Variants in ARMC9 observed in about 807,000 individuals in gnomAD.
ARMC9 encodes the protein armadillo repeat containing 9, also known as lisH domain-containing protein ARMC9.
A neutral mutation model predicts 107.0 loss-of-function variants in ARMC9; 94 were observed. The observed-to-expected ratio is 0.88, with a 90% CI of 0.74 to 1.04. The LOEUF is 1.04. Among genes scored for constraint, ARMC9 ranks in the 50% least tolerant of loss-of-function variants. ARMC9 has a pLI of 0.00. For missense variants in ARMC9, 942 were observed against 1,030.1 expected (o/e 0.91, Z 1.17); for synonymous variants, 380 against 396.9 (o/e 0.96, Z 0.51).
At chr2:231,351,214 A>C (rs976047872) in intron 21 of ARMC9, among the ~76,000 whole-genome samples, 4 of 149,914 alleles carry the variant, frequency 2.7e-5, no homozygotes, top group African/African-American at 9.9e-5. Flanking sequence ...CGGCCTCCCA[A>C]AGTGCTGGGA....
intron 1 of ARMC9, among the ~76,000 whole-genome samples, chr2:231,205,291 A>G (rs939915797): frequency 6.6e-6 from 1 of 151,828 alleles, no homozygotes. Flanking sequence ...GATCCCTTGA[A>G]CCCAGGAGTT....
intron 19 of ARMC9, among the ~76,000 whole-genome samples, chr2:231,298,387 G>T (rs1193372167): frequency 6.6e-6 from 1 of 152,170 alleles, no homozygotes; most frequent in Non-Finnish European, 1.5e-5. Context: ...GTCTTTCAAA[G>T]TTGGAGGGAA....
intron 2 of ARMC9, among the ~76,000 whole-genome samples, chr2:231,207,294 C>T (rs897915199): frequency 6.6e-6 from 1 of 152,146 alleles, no homozygotes; most frequent in African/African-American, 2.4e-5. Flanking sequence ...AGGCATGAGC[C>T]ACTGCACCCT....
At chr2:231,267,316 C>T (rs1680534084) in intron 12 of ARMC9, among the ~76,000 whole-genome samples, 1 of 152,056 alleles carries the variant, frequency 6.6e-6, no homozygotes, top group African/African-American at 2.4e-5. Flanking sequence ...CTTCAACCTC[C>T]GTCTCCTGGG....
Position 231,226,806 on chromosome 2 carries a change from A to G in ARMC9, c.622+8A>G, listed in dbSNP as rs754874254. 2.5e-6 allele frequency: 4 copies of G among 1,612,852 alleles called. No homozygotes were observed. The highest frequency in any genetic ancestry group is 2.5e-6 in the Non-Finnish European group (3 of 1,178,962). On this transcript the variant is annotated splice_region_variant and intron_variant, in intron 7 of 24. Transcript: ENST00000611582. ...ATGGACAAAGTAACAAAGGTAAATC[A>G]TCTAGATTTAAATTTGTCTAAGAAC...
At chr2:231,242,042 G>A (rs1395369585) in intron 9 of ARMC9, among the ~76,000 whole-genome samples, 1 of 152,020 alleles carries the variant, frequency 6.6e-6, no homozygotes, top group Non-Finnish European at 1.5e-5. Context: ...CCACAAGTCC[G>A]CCACATGTGG....
chr2:231,220,546 G>A (rs533283150), intron 5 of ARMC9, among the ~76,000 whole-genome samples: 4 of 143,656 alleles, frequency 2.8e-5, no homozygotes, highest in African/African-American at 5.2e-5. Flanking sequence ...GGAGCAAGTC[G>A]AGATCACACC....
chr2:231,278,587 C>T (rs2039960481), intron 16 of ARMC9, 129 bp downstream of exon 16: 2 of 744,588 alleles, frequency 2.7e-6, no homozygotes, highest in Non-Finnish European at 2.2e-6. Flanking sequence ...GTTCTCTGTC[C>T]TTCTGGGATT....
At chr2:231,332,113 A>G (rs1226042494) in intron 20 of ARMC9, among the ~76,000 whole-genome samples, 3 of 152,228 alleles carry the variant, frequency 2.0e-5, no homozygotes, top group African/African-American at 4.8e-5. Context: ...GATTGGGGAA[A>G]GATATAACTA....
At chr2:231,315,825 T>C (rs899838298) in intron 19 of ARMC9, among the ~76,000 whole-genome samples, 2 of 152,252 alleles carry the variant, frequency 1.3e-5, no homozygotes, top group African/African-American at 4.8e-5. Context: ...CTTCCTGCCT[T>C]CTTTTGTATT....
intron 19 of ARMC9, among the ~76,000 whole-genome samples, chr2:231,308,430 GC>G (rs2042153478): frequency 6.6e-6 from 1 of 152,178 alleles, no homozygotes; most frequent in Non-Finnish European, 1.5e-5. Flanking sequence ...CGGGAGTGGG[GC>G]TGAGCTTGGC....
chr2:231,300,867 C>T (rs1363611127), intron 19 of ARMC9, among the ~76,000 whole-genome samples: 1 of 152,164 alleles, frequency 6.6e-6, no homozygotes, highest in East Asian at 1.9e-4. Flanking sequence ...AGATGGCTGG[C>T]GTGGGGTAAA....
intron 19 of ARMC9, among the ~76,000 whole-genome samples, chr2:231,299,408 G>A (rs1208901796): frequency 6.6e-6 from 1 of 152,174 alleles, no homozygotes; most frequent in East Asian, 1.9e-4. Context: ...GGGGGAATAG[G>A]AATAAGGAAG....
chr2:231,360,673 T>C lies in ARMC9; in HGVS notation c.2132-81T>C. On this transcript the variant is annotated intron_variant, in intron 22 of 24. Transcript: ENST00000611582. The surrounding 1 kb of genome is among the most constrained non-coding windows in gnomAD (Gnocchi z 4.7). ...GCCTGGGGTGCGTGCTTTTCTTGGCTTTCCAACCCAGCCCACGAGAGGGCA... is the reference window on the plus strand; with the variant it reads ...GCCTGGGGTGCGTGCTTTTCTTGGCCTTCCAACCCAGCCCACGAGAGGGCA... 1 of 1,534,748 alleles carries C rather than the reference T, an allele frequency of 6.5e-7. No individual in the cohort carries two copies. Among genetic ancestry groups the C allele is most frequent in the East Asian group, 2.4e-5 (1 of 40,896 alleles).
intron 12 of ARMC9, among the ~76,000 whole-genome samples, chr2:231,269,842 C>T (rs369415112): frequency 2.6e-5 from 4 of 152,110 alleles, no homozygotes; most frequent in African/African-American, 4.8e-5. Context: ...TCTCCCTGCA[C>T]GGTCTCATTT....
intron 20 of ARMC9, among the ~76,000 whole-genome samples, chr2:231,332,307 C>G (rs2043795696): frequency 7.0e-6 from 1 of 143,774 alleles, no homozygotes; most frequent in Non-Finnish European, 1.5e-5. Context: ...AGGTTACCCA[C>G]TGAAGCACAG....
intron 19 of ARMC9, among the ~76,000 whole-genome samples, chr2:231,315,491 A>G (rs1165706809): frequency 6.6e-6 from 1 of 152,158 alleles, no homozygotes; most frequent in Admixed American, 6.6e-5. Flanking sequence ...GTGAGCCGAG[A>G]TTGTGCCACT....
chr2:231,277,644 C>A (rs975825697), intron 15 of ARMC9, among the ~76,000 whole-genome samples: 5 of 150,814 alleles, frequency 3.3e-5, no homozygotes, highest in Non-Finnish European at 5.9e-5. Context: ...AGTGGTGCAA[C>A]CTCTGCCTCC....
Position 231,235,395 on chromosome 2 carries a change from C to G in ARMC9, c.780+14C>G. On this transcript the variant is annotated intron_variant, in intron 8 of 24. Coordinates refer to ENST00000611582, the MANE Select transcript of ARMC9 (RefSeq NM_001352754.2). ...AGCGGCAAGATGGTAAGGAAGATCC[C>G]TAATTGTGTGTATGTCTGTTTGGCA... 1 of 1,613,866 alleles carries G rather than the reference C, an allele frequency of 6.2e-7. No homozygotes were observed. The highest frequency in any genetic ancestry group is 8.5e-7 in the Non-Finnish European group (1 of 1,179,872).
Sources: allele counts gnomAD v4.1 joint callset (sites outside exome capture counted in the v4.1 genomes callset), GRCh38; gene constraint gnomAD v4.1.1; non-coding constraint Gnocchi (gnomAD v3.1); transcripts MANE v1.5; gene names NCBI Gene and HGNC (gene_info 2026-07-23, HGNC 2026-07-21).